The following DPP10 variants were observed in gnomAD, a reference collection of about 807,000 sequenced individuals.
DPP10 encodes inactive dipeptidyl peptidase 10.
Under a neutral mutation model 120.9 loss-of-function variants are expected in DPP10, and 33 were observed. The observed-to-expected ratio is 0.27, with a 90% confidence interval of 0.21 to 0.37. DPP10 has a LOEUF of 0.37. Ranked by LOEUF, DPP10 falls within the 10% of genes least tolerant of loss-of-function variation. The pLI, the probability that DPP10 is intolerant of heterozygous loss-of-function variation, is 1.00. For missense variants in DPP10, 816 were observed against 942.8 expected (o/e 0.87, Z 1.76); for synonymous variants, 337 against 326.1 (o/e 1.03, Z -0.36).
At chr2:114,749,220 T>C (rs1325433567) in intron 1 of DPP10, among the ~76,000 whole-genome samples, 1 of 150,598 alleles carries the variant, frequency 6.6e-6, no homozygotes, top group Non-Finnish European at 1.5e-5. Context: ...AAGTGTCTGT[T>C]CATGTCCTTC....
intron 1 of DPP10, among the ~76,000 whole-genome samples, chr2:115,150,612 C>T (rs2051486706): frequency 6.6e-6 from 1 of 152,154 alleles, no homozygotes; most frequent in South Asian, 2.1e-4. Flanking sequence ...GTACTCTTTC[C>T]TACTTAACAC....
intron 1 of DPP10, among the ~76,000 whole-genome samples, chr2:115,279,600 A>G (rs1170621579): frequency 1.8e-5 from 2 of 108,710 alleles, no homozygotes; most frequent in Admixed American, 8.9e-5. Context: ...TTTGGGTAGC[A>G]TTTTTCTTTT....
At chr2:115,635,333 T>A (rs924017979) in intron 5 of DPP10, among the ~76,000 whole-genome samples, 1 of 152,148 alleles carries the variant, frequency 6.6e-6, no homozygotes, top group Non-Finnish European at 1.5e-5. Context: ...TGGCGTGGGC[T>A]GACAAGGGGG....
chr2:114,753,908 C>CAAAAAA (rs777798352), intron 1 of DPP10, among the ~76,000 whole-genome samples: 37 of 33,624 alleles, frequency 1.1e-3, no homozygotes, highest in Non-Finnish European at 1.6e-3. Flanking sequence ...GACTCCTTCT[C>CAAAAAA]AAAAAAAAAA....
At chr2:115,625,846 C>G (rs2085315446) in intron 5 of DPP10, among the ~76,000 whole-genome samples, 1 of 151,858 alleles carries the variant, frequency 6.6e-6, no homozygotes, top group Non-Finnish European at 1.5e-5. Flanking sequence ...AGAAAGTTTT[C>G]TCTGAACTGA....
At chr2:114,747,841 T>TC (rs1261663020) in intron 1 of DPP10, among the ~76,000 whole-genome samples, 1 of 152,204 alleles carries the variant, frequency 6.6e-6, no homozygotes, top group Non-Finnish European at 1.5e-5. Flanking sequence ...AACTTTTTTT[T>TC]CTCATGTAAA....
intron 5 of DPP10, among the ~76,000 whole-genome samples, chr2:115,662,938 G>A (rs1469125393): frequency 1.3e-5 from 2 of 152,006 alleles, no homozygotes; most frequent in Non-Finnish European, 2.9e-5. Flanking sequence ...TTAAATTTTG[G>A]CACTTCACTT....
intron 1 of DPP10, among the ~76,000 whole-genome samples, chr2:115,038,089 T>C (rs1221169426): frequency 6.6e-6 from 1 of 152,158 alleles, no homozygotes; most frequent in Non-Finnish European, 1.5e-5. Context: ...ATTTAAGGGA[T>C]AGTGATATGT....
At chr2:115,217,557 T>G (rs1049855879) in intron 1 of DPP10, among the ~76,000 whole-genome samples, 19 of 152,170 alleles carry the variant, frequency 1.2e-4, no homozygotes, top group Non-Finnish European at 2.5e-4. Flanking sequence ...TTAATTAATT[T>G]AGGGTGAATA....
At chr2:114,709,139 AGCTGCT>A in intron 1 of DPP10, among the ~76,000 whole-genome samples, 1 of 152,160 alleles carries the variant, frequency 6.6e-6, no homozygotes, top group Non-Finnish European at 1.5e-5. Flanking sequence ...CTCCTATGTC[AGCTGCT>A]TGCATTTGAC....
rs75538905 is a variant in DPP10, at chr2:114,449,469, CTT to C, written c.60+6645_60+6646del. On this transcript the variant is annotated intron_variant, in intron 1 of 25. Coordinates refer to ENST00000410059, the MANE Select transcript of DPP10 (RefSeq NM_020868.6). ...TTCTTCATAGCACTCTGATGTTTTT[CTT>C]TTTTTTTTTTTTTATAGTTACCACT... Among the ~76,000 whole-genome samples the C allele has an allele frequency of 3.2e-3, 445 of 139,834 alleles. 1 individual carries two copies. Among genetic ancestry groups the C allele is most frequent in the Non-Finnish European group, 5.3e-3 (332 of 63,204 alleles). The allele number at this position is 139,834 out of a possible 152,430, so 91.7% of individuals were successfully genotyped here. A position where few individuals can be genotyped will look rare whatever the true frequency, so the allele number is the denominator to read the frequency against.
intron 5 of DPP10, among the ~76,000 whole-genome samples, chr2:115,548,974 A>G (rs1014605677): frequency 2.0e-5 from 3 of 152,120 alleles, no homozygotes; most frequent in African/African-American, 7.2e-5. Context: ...AGCCCCGGTT[A>G]TCTTTGTAGC....
intron 3 of DPP10, among the ~76,000 whole-genome samples, chr2:115,384,877 A>G (rs1337001298): frequency 1.3e-5 from 2 of 152,176 alleles, no homozygotes; most frequent in Non-Finnish European, 2.9e-5. Flanking sequence ...TAATTCCCAC[A>G]TATTGTGGGA....
At chr2:114,691,616 A>C (rs1699754423) in intron 1 of DPP10, among the ~76,000 whole-genome samples, 1 of 151,114 alleles carries the variant, frequency 6.6e-6, no homozygotes. Flanking sequence ...ATTTTTTGAG[A>C]ATCATTTTCA....
At chr2:115,242,001 T>A (rs993624396) in intron 1 of DPP10, among the ~76,000 whole-genome samples, 4 of 152,162 alleles carry the variant, frequency 2.6e-5, no homozygotes, top group African/African-American at 7.2e-5. Context: ...GTGGTACAGT[T>A]TTTTTAAAAA....
At chr2:115,058,603 T>C (rs2105378490) in intron 1 of DPP10, among the ~76,000 whole-genome samples, 1 of 152,314 alleles carries the variant, frequency 6.6e-6, no homozygotes, top group South Asian at 2.1e-4. Context: ...TTTCGCCATG[T>C]TGGCAAGGCT....
chr2:115,195,901 T>C (rs1176655736), intron 1 of DPP10, among the ~76,000 whole-genome samples: 1 of 152,210 alleles, frequency 6.6e-6, no homozygotes, highest in African/African-American at 2.4e-5. Context: ...AGCATATCTT[T>C]TGTTTTATTA....
chr2:114,670,587 G>A (rs1199457785), intron 1 of DPP10, among the ~76,000 whole-genome samples: 2 of 152,000 alleles, frequency 1.3e-5, no homozygotes, highest in African/African-American at 4.8e-5. Context: ...GCTAAATGAC[G>A]AGTTAATGGG....
At chr2:114,955,589 A>G (rs1321989117) in intron 1 of DPP10, among the ~76,000 whole-genome samples, 1 of 152,180 alleles carries the variant, frequency 6.6e-6, no homozygotes, top group African/African-American at 2.4e-5. Context: ...TTTCAAACTA[A>G]TTTTACAAGG....
Sources: allele counts gnomAD v4.1 joint callset (sites outside exome capture counted in the v4.1 genomes callset), GRCh38; gene constraint gnomAD v4.1.1; transcripts MANE v1.5; gene names NCBI Gene and HGNC (gene_info 2026-07-23, HGNC 2026-07-21).